The following EVX1 variants were observed in gnomAD, a reference collection of about 807,000 sequenced individuals.
EVX1 encodes the protein even-skipped homeobox 1, also known as homeobox even-skipped homolog protein 1.
In EVX1, 19 loss-of-function variants were observed where a neutral mutation model predicts 28.6. The observed-to-expected ratio is 0.67, with a 90% CI of 0.46 to 0.98. The LOEUF (loss-of-function observed/expected upper bound fraction) is 0.98. EVX1 is among the 50% of genes least tolerant of loss of function. EVX1 has a pLI of 0.00. For synonymous variants in EVX1, 324 were observed against 278.2 expected (o/e 1.16, Z -1.64); for missense variants, 660 against 583.0 (o/e 1.13, Z -1.36).
chr7:27,243,669 G>C (rs1356156101), intron 1 of EVX1: 2 of 518,170 alleles, frequency 3.9e-6, no homozygotes, highest in Non-Finnish European at 6.5e-6. Context: ...CCTTGAGTGC[G>C]GGGTGCTGAG....
In EVX1 at chr7:27,243,234, G is replaced by A. The variant is rs769629286; in HGVS notation, c.204G>A (p.Glu68=). The part of the protein sequence containing the change: ...RERGGGGPEE[E]PVDGLAGSAA... ...GCGGCGGGGGAGGCCCGGAGGAGGA[G>A]CCGGTAGATGGACTCGCAGGCAGCG... Residue 68 remains glutamate (E), a synonymous_variant, in exon 1 of 3, where the codon GAG becomes GAA. Coordinates refer to ENST00000496902, the MANE Select transcript of EVX1 (RefSeq NM_001989.5). 6.5e-7 allele frequency: 1 copy of A among 1,548,792 alleles called. No homozygotes were observed. Among genetic ancestry groups the A allele is most frequent in the Admixed American group, 2.0e-5 (1 of 50,828 alleles).
rs530631267 is a variant in EVX1, at chr7:27,243,237, G to T, written c.207G>T (p.Pro69=). 1.3e-5 allele frequency: 20 copies of T among 1,548,580 alleles called. No individual in the cohort carries two copies. The East Asian group carries it at 4.7e-4, about 36-fold the overall frequency. ...ERGGGGPEEE[P]VDGLAGSAAG... Reference sequence around the variant, plus strand: ...GCGGGGGAGGCCCGGAGGAGGAGCCGGTAGATGGACTCGCAGGCAGCGCGG... The same window carrying T: ...GCGGGGGAGGCCCGGAGGAGGAGCCTGTAGATGGACTCGCAGGCAGCGCGG... The change falls in exon 1 of 3, where the codon CCG becomes CCT. Residue 69 remains proline, a synonymous_variant. Transcript: ENST00000496902.
In EVX1 at chr7:27,243,201, C is replaced by T; in HGVS notation, c.171C>T (p.Thr57=). Residue 57 remains threonine (T), a synonymous_variant, in exon 1 of 3, where the codon ACC becomes ACT. Coordinates refer to ENST00000496902, the MANE Select transcript of EVX1 (RefSeq NM_001989.5). ...CLSPRAVPPA[T]RERGGGGPEE... is the part of the protein sequence containing the mutation. ...GCCCTCGGGCCGTCCCTCCGGCCACCCGGGAGCGCGGCGGGGGAGGCCCGG... is the reference window on the plus strand; with the variant it reads ...GCCCTCGGGCCGTCCCTCCGGCCACTCGGGAGCGCGGCGGGGGAGGCCCGG... The T allele has an allele frequency of 6.4e-7, 1 of 1,559,516 alleles. No homozygotes were observed. Among genetic ancestry groups the T allele is most frequent in the Non-Finnish European group, 8.7e-7 (1 of 1,152,174 alleles).
chr7:27,243,744 T>A (rs1783092057), intron 1 of EVX1: 1 of 365,962 alleles, frequency 2.7e-6, no homozygotes, highest in Non-Finnish European at 4.9e-6. Flanking sequence ...GTGTTTCAAC[T>A]GCTCGGGGAA....
At position 27,243,017 on chromosome 7, in the gene EVX1, CGGAGAGCCCCGGGAT is replaced by C. The variant is rs779661096; in HGVS notation, c.-5_10del. ...CACTTGGGGCTTTCCCCTCCCCCAC[CGGAGAGCCCCGGGAT>C]GGAGAGCCGAAAGGACATGGTTGTG... is the stretch of plus-strand genomic sequence containing the variant. On this transcript the variant is annotated start_lost and 5_prime_UTR_variant, in exon 1 of 3. Transcript: ENST00000496902. 6.4e-7 allele frequency: 1 copy of C among 1,551,944 alleles called. No individual in the cohort carries two copies. The highest frequency in any genetic ancestry group is 1.2e-5 in the South Asian group (1 of 81,256).
chr7:27,243,348 A>G lies in EVX1; in HGVS notation c.318A>G (p.Gly106=). ...CCCCCTCAGTCGACAGCCTCTCCGG[A>G]CAGGGGCAACCCAGTAGCTCGGACA... ...PPAPSVDSLS[G]QGQPSSSDTE... Residue 106 remains glycine (G), a synonymous_variant, in exon 1 of 3, where the codon GGA becomes GGG. Transcript: ENST00000496902. 6.2e-7 allele frequency: 1 copy of G among 1,607,854 alleles called. No homozygotes were observed.
In EVX1 at chr7:27,247,431, T is replaced by G. The variant is rs971981042; in HGVS notation, c.*1006T>G. ...ATTAGAGGCAATTTTCATCCTTTGC[T>G]TGTTCACCTTCACTTCACCAGGAAC... On this transcript the variant is annotated 3_prime_UTR_variant, in exon 3 of 3. Transcript: ENST00000496902. The G allele has an allele frequency of 6.6e-6, 1 of 152,204 alleles. No homozygotes were observed. The highest frequency in any genetic ancestry group is 1.5e-5 in the Non-Finnish European group (1 of 68,038). 9.4% of individuals were successfully genotyped at this position (152,204 alleles called of 1,614,324 possible).
In EVX1 at chr7:27,247,476, C is replaced by T. The variant is rs1481420536; in HGVS notation, c.*1051C>T. On this transcript the variant is annotated 3_prime_UTR_variant, in exon 3 of 3. Transcript: ENST00000496902. ...AGGAACTTTCTGGCCCTACCCTTTG[C>T]ATTGGGTATTTTACAACTTTCTCTC... 6.6e-6 allele frequency: 1 copy of T among 152,182 alleles called. No homozygotes were observed. The allele number at this position is 152,182 out of a possible 1,614,324, so 9.4% of individuals were successfully genotyped here.
chr7:27,246,342 T>C lies in EVX1; in HGVS notation c.1141T>C (p.Phe381Leu), dbSNP rs1003299923. ...TGCCTCCACCTCCCGCTCGGACTCCTTCCTCACCTTCGCGCCCTCGGTGCT... is the reference window on the plus strand; with the variant it reads ...TGCCTCCACCTCCCGCTCGGACTCCCTCCTCACCTTCGCGCCCTCGGTGCT... ...TCASTSRSDS[F>L]LTFAPSVLSK... Residue 381 changes from phenylalanine (F) to leucine (L), a missense_variant, in exon 3 of 3, where the codon TTC (phenylalanine) becomes CTC (leucine). Transcript: ENST00000496902. 1.9e-6 allele frequency: 3 copies of C among 1,601,508 alleles called. No homozygotes were observed. Among genetic ancestry groups the C allele is most frequent in the Middle Eastern group, 3.3e-4 (2 of 6,014 alleles).
chr7:27,243,483 C>T (rs989342734), intron 1 of EVX1, 26 bp downstream of exon 1: 2 of 1,548,666 alleles, frequency 1.3e-6, no homozygotes, highest in African/African-American at 1.4e-5. Context: ...CTCCGCTCCC[C>T]GGGCCTCCCA....
In EVX1 at chr7:27,246,334, C is replaced by G. The variant is rs201025206; in HGVS notation, c.1133C>G (p.Ser378Trp). The G allele has an allele frequency of 6.3e-7, 1 of 1,600,000 alleles. No homozygotes were observed. The highest frequency in any genetic ancestry group is 8.5e-7 in the Non-Finnish European group (1 of 1,178,222). ...SDFTCASTSR[S>W]DSFLTFAPSV... is the part of the protein sequence containing the mutation. ...TTCACCTGTGCCTCCACCTCCCGCT[C>G]GGACTCCTTCCTCACCTTCGCGCCC... Residue 378 changes from serine to tryptophan, a missense_variant, in exon 3 of 3, where the codon TCG becomes TGG. By Grantham distance (177) the Ser-to-Trp change is radical. Coordinates refer to ENST00000496902, the MANE Select transcript of EVX1 (RefSeq NM_001989.5).
Position 27,246,506 on chromosome 7 carries a change from G to T in EVX1, c.*81G>T. On this transcript the variant is annotated 3_prime_UTR_variant, in exon 3 of 3. Coordinates refer to ENST00000496902, the MANE Select transcript of EVX1 (RefSeq NM_001989.5). ...CGGGACTCAGCCAGCCTCGCTCCTC[G>T]CTCCTCGCTCCTCGCCCCTAGGACG... 1 of 1,340,464 alleles carries T rather than the reference G, an allele frequency of 7.5e-7. No individual in the cohort carries two copies. Among genetic ancestry groups the T allele is most frequent in the Non-Finnish European group, 1.0e-6 (1 of 982,860 alleles). The allele number at this position is 1,340,464 out of a possible 1,614,324, so 83.0% of individuals were successfully genotyped here.
Position 27,246,059 on chromosome 7 carries a change from C to T in EVX1, c.858C>T (p.Gly286=), listed in dbSNP as rs778663256. 12 of 1,585,428 alleles carry T rather than the reference C, an allele frequency of 7.6e-6. No homozygotes were observed. Among genetic ancestry groups the T allele is most frequent in the African/African-American group, 5.5e-5 (4 of 73,046 alleles). Residue 286 remains glycine, a synonymous_variant, in exon 3 of 3, where the codon GGC becomes GGT. Coordinates refer to ENST00000496902, the MANE Select transcript of EVX1 (RefSeq NM_001989.5). ...HLPLPYYSPV[G]LGAASAASAA... ...CCCTGCCCTACTACTCGCCGGTGGG[C>T]CTGGGCGCCGCATCCGCCGCCTCCG...
chr7:27,245,206 G>T lies in EVX1; in HGVS notation c.586G>T (p.Ala196Ser). The T allele has an allele frequency of 6.2e-7, 1 of 1,613,708 alleles. No homozygotes were observed. Among genetic ancestry groups the T allele is most frequent in the Non-Finnish European group, 8.5e-7 (1 of 1,180,046 alleles). Residue 196 changes from alanine (A) to serine (S), a missense_variant, in exon 2 of 3, where the codon GCG becomes TCG. Ala to Ser is a moderately conservative substitution (Grantham distance 99). Coordinates refer to ENST00000496902, the MANE Select transcript of EVX1 (RefSeq NM_001989.5). ...YRTAFTREQI[A>S]RLEKEFYREN... ...CACCGCCTTCACCCGAGAGCAGATT[G>T]CGCGGCTGGAGAAGGAATTCTACCG...
In EVX1 at chr7:27,245,103, G is replaced by A; in HGVS notation, c.483G>A (p.Lys161=). ...CGAACGGAGGGAGCGAGACCCCCAA[G>A]AGCAACGGCGGCAGTGGTGGGGGCG... ...GSPNGGSETP[K]SNGGSGGGGS... is the part of the protein sequence containing the mutation. The change falls in exon 2 of 3, where the codon AAG becomes AAA. Residue 161 remains lysine, a synonymous_variant. Coordinates refer to ENST00000496902, the MANE Select transcript of EVX1 (RefSeq NM_001989.5). 6.2e-7 allele frequency: 1 copy of A among 1,613,236 alleles called. No individual in the cohort carries two copies. The highest frequency in any genetic ancestry group is 8.5e-7 in the Non-Finnish European group (1 of 1,179,972).
Position 27,246,666 on chromosome 7 carries a change from C to T in EVX1, c.*241C>T, listed in dbSNP as rs1190599205. On this transcript the variant is annotated 3_prime_UTR_variant, in exon 3 of 3. Transcript: ENST00000496902. ...AGGGAAGCAGAGCTTGAGAGACCTT[C>T]CTCCGGGGCAGCCTCCGGACCCACC... The T allele has an allele frequency of 1.9e-5, 10 of 529,016 alleles. No homozygotes were observed. The highest frequency in any genetic ancestry group is 2.9e-5 in the Non-Finnish European group (9 of 307,020). 32.8% of individuals were successfully genotyped at this position (529,016 alleles called of 1,614,324 possible). A position where few individuals can be genotyped will look rare whatever the true frequency, so the allele number is the denominator to read the frequency against.
At chr7:27,244,275 G>A (rs1411363928) in intron 1 of EVX1, among the ~76,000 whole-genome samples, 1 of 151,474 alleles carries the variant, frequency 6.6e-6, no homozygotes, top group South Asian at 2.1e-4. Flanking sequence ...GAAGGGGGTA[G>A]AAAACTGGGC....
rs1749160012 is a variant in EVX1 at position 27,245,881 on chromosome 7, C to T, written c.685-5C>T. 7 of 1,610,386 alleles carry T rather than the reference C, an allele frequency of 4.3e-6. No homozygotes were observed. The highest frequency in any genetic ancestry group is 5.1e-6 in the Non-Finnish European group (6 of 1,179,328). On this transcript the variant is annotated splice_polypyrimidine_tract_variant and splice_region_variant and intron_variant, in intron 2 of 2. Coordinates refer to ENST00000496902, the MANE Select transcript of EVX1 (RefSeq NM_001989.5). Reference sequence around the variant, plus strand: ...CTACTGAACCTGCTCCGCTCCTCTCCCCAGGTGTGGTTCCAGAACCGGCGC... The same window carrying T: ...CTACTGAACCTGCTCCGCTCCTCTCTCCAGGTGTGGTTCCAGAACCGGCGC...
At chr7:27,245,665 C>T (rs1783152152) in intron 2 of EVX1, among the ~76,000 whole-genome samples, 1 of 152,174 alleles carries the variant, frequency 6.6e-6, no homozygotes, top group Non-Finnish European at 1.5e-5. Flanking sequence ...GCCTGGCCAC[C>T]TGGGCAGAAG....
Sources: allele counts gnomAD v4.1 joint callset (sites outside exome capture counted in the v4.1 genomes callset), GRCh38; gene constraint gnomAD v4.1.1; transcripts MANE v1.5; gene names NCBI Gene and HGNC (gene_info 2026-07-23, HGNC 2026-07-21).